The following IL1RAPL2 variants were observed in gnomAD, a reference collection of about 807,000 sequenced individuals.
IL1RAPL2 encodes interleukin 1 receptor accessory protein like 2.
Under a neutral mutation model 44.1 loss-of-function variants are expected in IL1RAPL2, and 3 were observed. That is an observed-to-expected ratio of 0.07 (90% CI 0.03 to 0.18). IL1RAPL2 has a LOEUF of 0.18. Ranked by LOEUF, IL1RAPL2 falls within the 10% of genes least tolerant of loss-of-function variation. IL1RAPL2 has a pLI of 1.00. For synonymous variants in IL1RAPL2, 181 were observed against 178.8 expected, an observed-to-expected ratio of 1.01 and a Z score of -0.10; for missense variants, 391 against 496.4, an observed-to-expected ratio of 0.79 and a Z score of 2.02.
chrX:104,840,789 C>A (rs892846478), intron 2 of IL1RAPL2, among the ~76,000 whole-genome samples: 1 of 110,313 alleles, frequency 9.1e-6, no homozygotes, highest in Non-Finnish European at 1.9e-5. Context: ...ATTTTCCTGC[C>A]TCAGCCTCCC....
intron 6 of IL1RAPL2, among the ~76,000 whole-genome samples, chrX:105,567,442 G>A (rs945438879): frequency 3.6e-5 from 4 of 111,925 alleles, no homozygotes; most frequent in Non-Finnish European, 7.5e-5. Flanking sequence ...AGTTCTAGCA[G>A]AGAATCAGAA....
intron 2 of IL1RAPL2, among the ~76,000 whole-genome samples, chrX:104,935,161 T>G (rs1005477673): frequency 8.9e-6 from 1 of 112,590 alleles, no homozygotes; most frequent in Non-Finnish European, 1.9e-5. Flanking sequence ...TTATGTTTGA[T>G]GCTCCAACAA....
intron 2 of IL1RAPL2, among the ~76,000 whole-genome samples, chrX:104,831,682 C>T (rs1234314856): frequency 2.7e-5 from 3 of 111,927 alleles, no homozygotes; most frequent in African/African-American, 9.7e-5. Flanking sequence ...ATTCTGATAA[C>T]TGATCTCTTT....
chrX:104,851,955 A>G (rs1247942651), intron 2 of IL1RAPL2, among the ~76,000 whole-genome samples: 2 of 111,339 alleles, frequency 1.8e-5, no homozygotes, highest in Non-Finnish European at 3.8e-5. Context: ...GCACCAAGGT[A>G]TTTATGAGGA....
At chrX:104,958,457 A>C (rs778322421) in intron 2 of IL1RAPL2, among the ~76,000 whole-genome samples, 1 of 106,408 alleles carries the variant, frequency 9.4e-6, no homozygotes, top group Non-Finnish European at 1.9e-5. Context: ...GTTGCTGCTT[A>C]GGTAATTCAT....
At chrX:105,660,361 C>T (rs2037710696) in intron 6 of IL1RAPL2, among the ~76,000 whole-genome samples, 1 of 111,109 alleles carries the variant, frequency 9.0e-6, no homozygotes, top group Non-Finnish European at 1.9e-5. Context: ...ACCTATCCTA[C>T]AAGAAATGCT....
intron 2 of IL1RAPL2, among the ~76,000 whole-genome samples, chrX:105,065,491 A>G (rs1322561151): frequency 1.8e-5 from 2 of 112,164 alleles, no homozygotes; most frequent in Admixed American, 1.9e-4. Context: ...AAAGTGGGCA[A>G]GTTGTAGGGG....
At chrX:104,611,013 T>C (rs762893366) in intron 1 of IL1RAPL2, among the ~76,000 whole-genome samples, 1 of 111,709 alleles carries the variant, frequency 9.0e-6, no homozygotes, top group African/African-American at 3.3e-5. Flanking sequence ...TATTGCTGCC[T>C]GATCCTTCCT....
chrX:105,766,643 T>G (rs1569473091), intron 10 of IL1RAPL2, among the ~76,000 whole-genome samples: 1 of 111,760 alleles, frequency 8.9e-6, no homozygotes, highest in African/African-American at 3.2e-5. Flanking sequence ...AGTTGTTCAC[T>G]TAGAGTACTA....
intron 2 of IL1RAPL2, among the ~76,000 whole-genome samples, chrX:105,096,342 T>C (rs1448024716): frequency 9.0e-6 from 1 of 111,719 alleles, no homozygotes; most frequent in Non-Finnish European, 1.9e-5. Flanking sequence ...CTCTTGGGCA[T>C]ATATCCAAGC....
chrX:105,071,464 C>T (rs759920449), intron 2 of IL1RAPL2, among the ~76,000 whole-genome samples: 4 of 111,112 alleles, frequency 3.6e-5, no homozygotes, highest in Admixed American at 9.6e-5. Flanking sequence ...ACAGATTCAA[C>T]GCAATTCCTA....
chrX:105,499,310 C>T (rs1398102570), intron 6 of IL1RAPL2, among the ~76,000 whole-genome samples: 1 of 110,785 alleles, frequency 9.0e-6, no homozygotes, highest in Non-Finnish European at 1.9e-5. Context: ...AGGGGAAAAT[C>T]ATAACACTGG....
intron 2 of IL1RAPL2, among the ~76,000 whole-genome samples, chrX:105,125,695 A>G (rs2032967739): frequency 9.0e-6 from 1 of 110,941 alleles, no homozygotes; most frequent in Admixed American, 9.6e-5. Context: ...GTCCACATAT[A>G]CATGGTTTTT....
At chrX:105,267,218 T>C (rs1485678818) in intron 4 of IL1RAPL2, among the ~76,000 whole-genome samples, 170 bp from the exon 5 acceptor site, 2 of 111,932 alleles carry the variant, frequency 1.8e-5, no homozygotes, top group African/African-American at 6.5e-5. Flanking sequence ...TAGAATTGGA[T>C]ACAATAGGAC....
intron 10 of IL1RAPL2, chrX:105,765,309 C>G (rs776480069): frequency 1.8e-5 from 2 of 112,177 alleles, no homozygotes; most frequent in South Asian, 7.4e-4. Flanking sequence ...TCTATTGAAA[C>G]TTCCTACCTT....
chrX:105,748,895 A>T (rs2038572560), intron 8 of IL1RAPL2, 65 bp from the exon 9 acceptor site: 1 of 1,084,382 alleles, frequency 9.2e-7, no homozygotes, highest in Admixed American at 2.3e-5. Context: ...ATATACTAGA[A>T]ATATGGGAAG....
chrX:104,745,317 T>A lies in IL1RAPL2; in HGVS notation c.82+86322T>A, dbSNP rs564116160. On this transcript the variant is annotated intron_variant, in intron 2 of 10. Transcript: ENST00000372582. Reference sequence around the variant, plus strand: ...GGCTGAGTTTTCACCAGTACTATAGTTGTACTGGAGTCACATGCCTGCAGG... The same window carrying A: ...GGCTGAGTTTTCACCAGTACTATAGATGTACTGGAGTCACATGCCTGCAGG... Among the ~76,000 whole-genome samples, 49 of 112,242 alleles carry A rather than the reference T, an allele frequency of 4.4e-4. 1 individual carries two copies. Among genetic ancestry groups the A allele is most frequent in the Middle Eastern group, 4.6e-3 (1 of 218 alleles).
chrX:105,568,234 G>A (rs752616805), intron 6 of IL1RAPL2, among the ~76,000 whole-genome samples: 2 of 111,213 alleles, frequency 1.8e-5, no homozygotes, highest in Non-Finnish European at 3.8e-5. Flanking sequence ...AAAAGATCTT[G>A]AGTGGTGATA....
chrX:105,757,778 A>G (rs1275444800), intron 10 of IL1RAPL2, among the ~76,000 whole-genome samples: 1 of 111,566 alleles, frequency 9.0e-6, no homozygotes, highest in Non-Finnish European at 1.9e-5. Context: ...CCGATTTGCG[A>G]GTGTAACCTG....
Sources: allele counts gnomAD v4.1 joint callset (sites outside exome capture counted in the v4.1 genomes callset), GRCh38; gene constraint gnomAD v4.1.1; transcripts MANE v1.5; gene names NCBI Gene and HGNC (gene_info 2026-07-23, HGNC 2026-07-21).